The following GALNT16 variants were observed in gnomAD, a reference collection of about 807,000 sequenced individuals.
GALNT16 encodes the protein UDP-GalNAc:polypeptide N-acetylgalactosaminyltransferase-like protein 1.
Under a neutral mutation model 76.1 loss-of-function variants are expected in GALNT16, and 40 were observed. The observed-to-expected ratio is 0.53, with a 90% CI of 0.41 to 0.68. The LOEUF (loss-of-function observed/expected upper bound fraction) is 0.68, where lower values mean the gene tolerates loss of function less well. GALNT16 is among the 30% of genes least tolerant of loss of function. The pLI is 0.00. For synonymous variants in GALNT16, 276 were observed against 285.2 expected (o/e 0.97, Z 0.32); for missense variants, 621 against 731.9 (o/e 0.85, Z 1.75).
At chr14:69,363,729 C>G in the GALNT16 span, among the ~76,000 whole-genome samples, 3 of 150,358 alleles carry the variant, frequency 2.0e-5, no homozygotes, top group Non-Finnish European at 4.5e-5. Context: ...AGATGAGCCT[C>G]TCCTAGAAGG....
chr14:69,361,652 A>G (rs1026943996), downstream of GALNT16, among the ~76,000 whole-genome samples: 18 of 152,172 alleles, frequency 1.2e-4, no homozygotes, highest in Non-Finnish European at 2.4e-4. Context: ...GGATGAGCCA[A>G]CGTTGGTTCC....
the GALNT16 span, among the ~76,000 whole-genome samples, chr14:69,364,849 C>T: frequency 6.6e-6 from 1 of 152,032 alleles, no homozygotes; most frequent in African/African-American, 2.4e-5. The surrounding 1 kb of genome is among the most constrained non-coding windows in gnomAD (Gnocchi z 4.2). Flanking sequence ...GTGATGGAAC[C>T]CGCTTTTCAG....
chr14:69,322,935 T>G lies in GALNT16; in HGVS notation c.336-1757T>G, dbSNP rs1203797406. On this transcript the variant is annotated intron_variant, in intron 2 of 14. Transcript: ENST00000448469. ...TGAGGTGGCTCACGGGGTGTGTGTG[T>G]GTGTGTGTGTGTGTGTGTGTGTGTG... 1.6e-4 allele frequency among the ~76,000 whole-genome samples: 9 copies of G among 55,558 alleles called. No individual in the cohort carries two copies. The South Asian group carries it at 3.9e-3, about 24-fold the overall frequency. 36.4% of individuals were successfully genotyped at this position (55,558 alleles called of 152,430 possible).
intron 12 of GALNT16, among the ~76,000 whole-genome samples, chr14:69,344,150 G>C (rs938805256): frequency 7.9e-5 from 12 of 152,222 alleles, no homozygotes; most frequent in Admixed American, 6.5e-5. Context: ...GACCGAGGAG[G>C]CTGAAAGAAG....
chr14:69,292,883 C>T (rs781360706), intron 1 of GALNT16, among the ~76,000 whole-genome samples: 1 of 152,234 alleles, frequency 6.6e-6, no homozygotes. Context: ...GCTGAGAGCA[C>T]AAGACCTTTT....
intron 14 of GALNT16, chr14:69,349,903 G>A (rs561550621): frequency 6.6e-6 from 1 of 152,280 alleles, no homozygotes. Flanking sequence ...GGGTGATTCA[G>A]TCATTCGTTC....
rs201138904 is a variant in GALNT16, at chr14:69,328,551, A to G, written c.670A>G (p.Met224Val). ...CEVNTEWLPPMLQRVKEDHTR... is the reference protein window; with the variant it reads ...CEVNTEWLPPVLQRVKEDHTR... ...AGTGAACACCGAGTGGCTGCCGCCC[A>G]TGCTGCAGCGGGTGAAGGAGGTGAG... Residue 224 changes from methionine (M) to valine (V), a missense_variant, in exon 6 of 15, where the codon ATG becomes GTG. Transcript: ENST00000448469. 6.2e-7 allele frequency: 1 copy of G among 1,613,096 alleles called. No homozygotes were observed. Among genetic ancestry groups the G allele is most frequent in the Non-Finnish European group, 8.5e-7 (1 of 1,179,796 alleles).
At position 69,334,377 on chromosome 14, in the gene GALNT16, T is replaced by G. The variant is rs538017225; in HGVS notation, c.967+777T>G. Among the ~76,000 whole-genome samples, 4 of 152,320 alleles carry G rather than the reference T, an allele frequency of 2.6e-5. No individual in the cohort carries two copies. In the South Asian group the frequency reaches 8.3e-4, roughly 32 times the overall value. On this transcript the variant is annotated intron_variant, in intron 9 of 14. Coordinates refer to ENST00000448469, the MANE Select transcript of GALNT16 (RefSeq NM_001168368.2). ...CCCAAACTCTGGACTCCAGTATGTGTGGGCTGGCAAGCCAGTCAACTCTTT... is the reference window on the plus strand; with the variant it reads ...CCCAAACTCTGGACTCCAGTATGTGGGGGCTGGCAAGCCAGTCAACTCTTT...
chr14:69,297,949 G>A (rs529555207), intron 1 of GALNT16, among the ~76,000 whole-genome samples: 12 of 152,216 alleles, frequency 7.9e-5, no homozygotes, highest in East Asian at 3.9e-4. Context: ...TTTGTTGGTC[G>A]GTACTGTACT....
chr14:69,333,868 A>C lies in GALNT16; in HGVS notation c.967+268A>C. On this transcript the variant is annotated intron_variant, in intron 9 of 14. Transcript: ENST00000448469. The surrounding 1 kb of genome is among the most constrained non-coding windows in gnomAD (Gnocchi z 4.2). ...CTATTTAGGGGGAGCCCGTGGTCAC[A>C]TGGCTGGACATGTGTGTGGAAGAAC... 1 of 418,824 alleles carries C rather than the reference A, an allele frequency of 2.4e-6. No individual in the cohort carries two copies. The highest frequency in any genetic ancestry group is 4.3e-6 in the Non-Finnish European group (1 of 234,902). The allele number at this position is 418,824 out of a possible 1,614,324, so 25.9% of individuals were successfully genotyped here.
the GALNT16 span, among the ~76,000 whole-genome samples, chr14:69,379,844 G>A: frequency 2.0e-5 from 3 of 151,954 alleles, no homozygotes; most frequent in Admixed American, 1.3e-4. Flanking sequence ...TCATCTGTCT[G>A]CTGCTGCTGC....
chr14:69,312,524 T>A (rs2045042865), intron 1 of GALNT16, among the ~76,000 whole-genome samples: 1 of 152,182 alleles, frequency 6.6e-6, no homozygotes, highest in South Asian at 2.1e-4. Context: ...ACTGGTACCC[T>A]GAGCAAGAAT....
intron 1 of GALNT16, among the ~76,000 whole-genome samples, chr14:69,294,582 G>A (rs754353804): frequency 2.0e-5 from 3 of 152,014 alleles, no homozygotes; most frequent in Non-Finnish European, 2.9e-5. Context: ...AAAGGATCCC[G>A]CATGCCCACA....
At chr14:69,326,437 G>A (rs1324848401) in intron 5 of GALNT16, among the ~76,000 whole-genome samples, 2 of 152,218 alleles carry the variant, frequency 1.3e-5, no homozygotes, top group African/African-American at 4.8e-5. Flanking sequence ...GCACTCTAGG[G>A]GACACGAAGG....
chr14:69,371,817 G>A, the GALNT16 span, among the ~76,000 whole-genome samples: 1 of 151,924 alleles, frequency 6.6e-6, no homozygotes, highest in African/African-American at 2.4e-5. Context: ...GGTGGCGTGA[G>A]CTTGTAATCC....
chr14:69,322,977 TGTGTGCGCGC>T (rs1358132009), intron 2 of GALNT16, among the ~76,000 whole-genome samples: 1 of 34,252 alleles, frequency 2.9e-5, no homozygotes. Flanking sequence ...TGTGTGTGTG[TGTGTGCGCGC>T]GCACGCGCGC....
At chr14:69,275,439 A>C (rs1472704450) in intron 1 of GALNT16, among the ~76,000 whole-genome samples, 1 of 152,252 alleles carries the variant, frequency 6.6e-6, no homozygotes, top group Non-Finnish European at 1.5e-5. Flanking sequence ...ACTGCATTGC[A>C]GAATTGATGA....
chr14:69,260,138 C>CCCA, upstream of GALNT16: 5 of 132,214 alleles, frequency 3.8e-5, no homozygotes, highest in Non-Finnish European at 8.1e-5. Flanking sequence ...TCCCTATCAC[C>CCCA]CCCCCGCCCC....
At chr14:69,276,750 G>A (rs749462647) in intron 1 of GALNT16, among the ~76,000 whole-genome samples, 17 of 152,060 alleles carry the variant, frequency 1.1e-4, no homozygotes, top group Non-Finnish European at 2.2e-4. Flanking sequence ...TAATTCTGGT[G>A]GCAGTGCAAG....
Sources: gnomAD v4.1 joint callset for allele counts (sites outside exome capture counted in the v4.1 genomes callset) on GRCh38, gnomAD v4.1.1 for gene constraint, Gnocchi (gnomAD v3.1) non-coding constraint, MANE v1.5 for transcripts, NCBI Gene and HGNC (gene_info 2026-07-23, HGNC 2026-07-21) for gene names.